The following RBM20 variants were observed in gnomAD, a reference collection of about 807,000 sequenced individuals.
RBM20 encodes the protein RNA binding motif protein 20.
RBM20 carries 51 observed loss-of-function variants against 110.1 expected under a neutral mutation model. The ratio of observed to expected loss-of-function variants is 0.46; its 90% CI spans 0.37 to 0.59. The LOEUF (loss-of-function observed/expected upper bound fraction) is 0.59. Ranked by LOEUF, RBM20 falls within the 20% of genes least tolerant of loss-of-function variation. The pLI, the probability that RBM20 is intolerant of heterozygous loss-of-function variation, is 0.00. For missense variants in RBM20, 1,512 were observed against 1,574.9 expected, an observed-to-expected ratio of 0.96 and a Z score of 0.68; for synonymous variants, 589 against 618.2, an observed-to-expected ratio of 0.95 and a Z score of 0.70.
intron 5 of RBM20, among the ~76,000 whole-genome samples, chr10:110,794,169 G>A (rs1235986381): frequency 6.6e-6 from 1 of 152,174 alleles, no homozygotes; most frequent in African/African-American, 2.4e-5. Flanking sequence ...TAATAGCCAT[G>A]TTTATGTAAA....
rs1481403925 is a variant in RBM20, at chr10:110,821,328, T to A, written c.2709T>A (p.Thr903=). ...CAGAGGGGGAGAGCTGGTATCCCAC[T>A]AACATGGAGGAGCTGGTGACAGTGG... ...SEAEGESWYP[T]NMEELVTVDE... is the part of the protein sequence containing the mutation. The change falls in exon 11 of 14, where the codon ACT becomes ACA. Residue 903 remains threonine (T), a synonymous_variant. Coordinates refer to ENST00000369519, the MANE Select transcript of RBM20 (RefSeq NM_001134363.3). 47 of 1,551,586 alleles carry A rather than the reference T, an allele frequency of 3.0e-5. No individual in the cohort carries two copies. The Admixed American group carries it at 9.0e-4, about 30-fold the overall frequency.
At chr10:110,662,955 C>A (rs1862127310) in intron 1 of RBM20, among the ~76,000 whole-genome samples, 1 of 151,790 alleles carries the variant, frequency 6.6e-6, no homozygotes, top group Admixed American at 6.6e-5. Flanking sequence ...CTTCCTCTCA[C>A]CCTGCTTTCT....
At chr10:110,794,015 G>T (rs1844517295) in intron 5 of RBM20, among the ~76,000 whole-genome samples, 2 of 152,208 alleles carry the variant, frequency 1.3e-5, no homozygotes, top group South Asian at 4.1e-4. Flanking sequence ...GAGCACTCAG[G>T]ATTGCCGGTG....
chr10:110,653,727 T>G (rs532000604), intron 1 of RBM20, among the ~76,000 whole-genome samples: 2 of 152,270 alleles, frequency 1.3e-5, no homozygotes, highest in African/African-American at 4.8e-5. Flanking sequence ...TCCTAATTTT[T>G]GTATTTTTTG....
chr10:110,725,363 A>G (rs1247814320), intron 1 of RBM20, among the ~76,000 whole-genome samples: 6 of 152,204 alleles, frequency 3.9e-5, no homozygotes, highest in Admixed American at 3.9e-4. Context: ...GGGGACCTGT[A>G]GGTCAATAAC....
chr10:110,830,131 G>A (rs896198583), intron 12 of RBM20, among the ~76,000 whole-genome samples: 17 of 152,210 alleles, frequency 1.1e-4, no homozygotes, highest in African/African-American at 4.1e-4. Context: ...GGTCACATGG[G>A]TTCTTAGCAT....
intron 1 of RBM20, among the ~76,000 whole-genome samples, chr10:110,755,759 C>T (rs111384553): frequency 1.9e-4 from 29 of 152,256 alleles, no homozygotes; most frequent in Middle Eastern, 3.4e-3. Context: ...TGGAAAAGCC[C>T]ATCTTGTTTG....
intron 9 of RBM20, among the ~76,000 whole-genome samples, chr10:110,814,433 G>T (rs1465114566): frequency 6.6e-6 from 1 of 152,170 alleles, no homozygotes; most frequent in Non-Finnish European, 1.5e-5. Flanking sequence ...GAAAATAGCT[G>T]CTCAGAGAGG....
intron 1 of RBM20, among the ~76,000 whole-genome samples, chr10:110,779,800 G>A (rs778155725): frequency 2.6e-5 from 4 of 152,172 alleles, no homozygotes; most frequent in African/African-American, 7.2e-5. Context: ...TATAGGAGAC[G>A]CTGAATTTGT....
chr10:110,770,758 G>A (rs1043611158), intron 1 of RBM20, among the ~76,000 whole-genome samples: 2 of 152,210 alleles, frequency 1.3e-5, no homozygotes, highest in Non-Finnish European at 2.9e-5. Flanking sequence ...TATCGGTGAT[G>A]TAAACTGCTG....
chr10:110,673,609 G>T (rs1038442697), intron 1 of RBM20, among the ~76,000 whole-genome samples: 1 of 152,196 alleles, frequency 6.6e-6, no homozygotes, highest in African/African-American at 2.4e-5. Flanking sequence ...GGAATTATGA[G>T]AATACTCTTA....
At chr10:110,810,123 C>T (rs1372400493) in intron 7 of RBM20, among the ~76,000 whole-genome samples, 1 of 152,096 alleles carries the variant, frequency 6.6e-6, no homozygotes, top group Non-Finnish European at 1.5e-5. Flanking sequence ...TGCTGCTTGT[C>T]TCCAGCACAT....
At chr10:110,661,453 A>T (rs1030610272) in intron 1 of RBM20, among the ~76,000 whole-genome samples, 3 of 152,204 alleles carry the variant, frequency 2.0e-5, no homozygotes, top group African/African-American at 7.2e-5. Flanking sequence ...GTCCCTAGAC[A>T]TAGAGGCCAA....
At chr10:110,752,918 T>TAC in intron 1 of RBM20, among the ~76,000 whole-genome samples, 2 of 108,762 alleles carry the variant, frequency 1.8e-5, no homozygotes, top group African/African-American at 6.8e-5. Context: ...TATATATTTA[T>TAC]ACATATATAT....
intron 1 of RBM20, among the ~76,000 whole-genome samples, chr10:110,743,816 A>G (rs774764562): frequency 6.6e-6 from 1 of 152,092 alleles, no homozygotes; most frequent in Non-Finnish European, 1.5e-5. Context: ...GGGTTTCACC[A>G]TGTTAGCCAG....
At chr10:110,662,832 A>G (rs940031450) in intron 1 of RBM20, among the ~76,000 whole-genome samples, 4 of 152,208 alleles carry the variant, frequency 2.6e-5, no homozygotes, top group Admixed American at 6.5e-5. Context: ...TGTAGAACAC[A>G]GTGTCTGAGA....
At chr10:110,698,828 T>A (rs1382284238) in intron 1 of RBM20, among the ~76,000 whole-genome samples, 1 of 152,208 alleles carries the variant, frequency 6.6e-6, no homozygotes, top group Non-Finnish European at 1.5e-5. Context: ...TGGCAGAGGA[T>A]GGTGACCTTT....
chr10:110,673,756 T>A (rs1437231405), intron 1 of RBM20, among the ~76,000 whole-genome samples: 1 of 152,188 alleles, frequency 6.6e-6, no homozygotes, highest in African/African-American at 2.4e-5. Context: ...CAGTGGCCTA[T>A]ATTGAAACTG....
intron 1 of RBM20, among the ~76,000 whole-genome samples, chr10:110,717,972 A>G (rs1448975243): frequency 6.6e-6 from 1 of 152,228 alleles, no homozygotes; most frequent in Non-Finnish European, 1.5e-5. Context: ...GGCTGCCTAG[A>G]AAGAATGTGA....
Sources: allele counts gnomAD v4.1 joint callset (sites outside exome capture counted in the v4.1 genomes callset), GRCh38; gene constraint gnomAD v4.1.1; transcripts MANE v1.5; gene names NCBI Gene and HGNC (gene_info 2026-07-23, HGNC 2026-07-21).